The following FHIT variants were observed in gnomAD, a reference collection of about 807,000 sequenced individuals.
The protein encoded by FHIT is bis(5'-adenosyl)-triphosphatase.
Under a neutral mutation model 17.9 loss-of-function variants are expected in FHIT, and 19 were observed. That is an observed-to-expected ratio of 1.06 (90% confidence interval 0.74 to 1.56). The LOEUF (loss-of-function observed/expected upper bound fraction) is 1.56, where lower values mean the gene tolerates loss of function less well. FHIT is among the 40% of genes most tolerant of loss of function. The pLI is 0.00. For synonymous variants in FHIT, 81 were observed against 69.7 expected, an observed-to-expected ratio of 1.16 and a Z score of -0.81; for missense variants, 248 against 189.2, an observed-to-expected ratio of 1.31 and a Z score of -1.82.
chr3:60,950,640 C>T lies in FHIT; in HGVS notation c.-111+91407G>A, dbSNP rs1553776980. On this transcript the variant is annotated intron_variant, in intron 3 of 9. Coordinates refer to ENST00000492590, the MANE Select transcript of FHIT (RefSeq NM_002012.4). The stretch of plus-strand genomic sequence containing the variant: ...CAAGTGATTCTCCTGCCTCAGTCTC[C>T]CAAGTAGCTGGGATTACAGGCACGC... 2.0e-5 allele frequency among the ~76,000 whole-genome samples: 3 copies of T among 152,040 alleles called. No homozygotes were observed. The South Asian group carries it at 6.2e-4, about 32-fold the overall frequency.
At chr3:60,126,941 G>A (rs1705579363) in intron 5 of FHIT, among the ~76,000 whole-genome samples, 1 of 152,136 alleles carries the variant, frequency 6.6e-6, no homozygotes, top group African/African-American at 2.4e-5. Context: ...GTAACTAGTG[G>A]CCTTTGTTCT....
chr3:60,543,439 A>T (rs2036250803), intron 4 of FHIT, among the ~76,000 whole-genome samples: 1 of 152,318 alleles, frequency 6.6e-6, no homozygotes, highest in African/African-American at 2.4e-5. Context: ...GGAATGTGAC[A>T]TCTTCAAAAT....
intron 4 of FHIT, among the ~76,000 whole-genome samples, chr3:60,616,269 A>G (rs1314141098): frequency 2.0e-5 from 3 of 152,218 alleles, no homozygotes; most frequent in Non-Finnish European, 4.4e-5. Flanking sequence ...AATTTATTAT[A>G]CAAATCTTCA....
intron 5 of FHIT, among the ~76,000 whole-genome samples, chr3:60,447,679 G>A (rs1350638): frequency 0.16 from 24,802 of 151,938 alleles, 2,255 homozygotes; most frequent in Admixed American, 0.27. Context: ...AAAATCACAA[G>A]ACACCCACTA....
intron 1 of FHIT, among the ~76,000 whole-genome samples, chr3:61,227,608 C>T (rs145822039): frequency 1.8e-4 from 28 of 152,174 alleles, no homozygotes; most frequent in Middle Eastern, 3.4e-3. Flanking sequence ...CAACTACATG[C>T]CACAATGGGT....
chr3:60,475,569 C>T (rs756475485), intron 5 of FHIT, among the ~76,000 whole-genome samples: 48 of 152,126 alleles, frequency 3.2e-4, no homozygotes, highest in Non-Finnish European at 5.4e-4. Context: ...CCCAGGGACC[C>T]AGGTAGTTTG....
chr3:60,196,642 C>G (rs1390084688), intron 5 of FHIT, among the ~76,000 whole-genome samples: 4 of 152,038 alleles, frequency 2.6e-5, no homozygotes, highest in African/African-American at 4.8e-5. Flanking sequence ...CACACCCGCC[C>G]TAAGTGCAGA....
chr3:61,207,907 A>C (rs1013357830), intron 1 of FHIT, among the ~76,000 whole-genome samples: 3 of 152,074 alleles, frequency 2.0e-5, no homozygotes, highest in Non-Finnish European at 4.4e-5. Flanking sequence ...TTGTGATGTT[A>C]GGGTGGCACT....
intron 2 of FHIT, among the ~76,000 whole-genome samples, chr3:61,117,281 C>A (rs1375570821): frequency 6.6e-6 from 1 of 152,158 alleles, no homozygotes; most frequent in Non-Finnish European, 1.5e-5. Context: ...ACCTTGCTTG[C>A]CGGGCAGGTG....
intron 5 of FHIT, among the ~76,000 whole-genome samples, chr3:60,268,986 T>C (rs1706727748): frequency 1.3e-5 from 2 of 152,108 alleles, no homozygotes; most frequent in Non-Finnish European, 2.9e-5. Flanking sequence ...CATGAGAAGC[T>C]GGAAAAGTCA....
chr3:61,126,052 G>A (rs996011205), intron 2 of FHIT, among the ~76,000 whole-genome samples: 1 of 152,042 alleles, frequency 6.6e-6, no homozygotes, highest in African/African-American at 2.4e-5. Context: ...TGTGGAGCTG[G>A]GGCTGGGTTG....
intron 2 of FHIT, among the ~76,000 whole-genome samples, chr3:61,145,494 A>T (rs1280604051): frequency 6.6e-6 from 1 of 152,010 alleles, no homozygotes; most frequent in Non-Finnish European, 1.5e-5. Flanking sequence ...TGTTTTGGCT[A>T]TTCTGGATAT....
chr3:60,289,955 G>C (rs1707906571), intron 5 of FHIT, among the ~76,000 whole-genome samples: 1 of 152,158 alleles, frequency 6.6e-6, no homozygotes, highest in Non-Finnish European at 1.5e-5. Context: ...CCACTACAGT[G>C]GTTTATTTCT....
chr3:61,248,307 TG>T (rs1312558541), intron 1 of FHIT, among the ~76,000 whole-genome samples: 2 of 149,498 alleles, frequency 1.3e-5, no homozygotes, highest in African/African-American at 5.0e-5. Flanking sequence ...TGGGAGAGCG[TG>T]GGGGTGGGGG....
intron 2 of FHIT, among the ~76,000 whole-genome samples, chr3:61,174,032 C>A (rs2038086667): frequency 6.6e-6 from 1 of 152,118 alleles, no homozygotes. Flanking sequence ...ATGTAAGGAC[C>A]CCATGATACT....
intron 8 of FHIT, among the ~76,000 whole-genome samples, chr3:59,792,971 C>A (rs1398652550): frequency 6.6e-6 from 1 of 152,004 alleles, no homozygotes; most frequent in African/African-American, 2.4e-5. Context: ...CCACCTTACC[C>A]CACTGTACCT....
At chr3:60,994,021 A>C (rs2030469653) in intron 3 of FHIT, among the ~76,000 whole-genome samples, 1 of 152,248 alleles carries the variant, frequency 6.6e-6, no homozygotes, top group African/African-American at 2.4e-5. Context: ...TTACTACCAA[A>C]AGAAGAATAT....
chr3:61,209,222 C>G (rs976581840), intron 1 of FHIT, among the ~76,000 whole-genome samples: 4 of 152,118 alleles, frequency 2.6e-5, no homozygotes, highest in Non-Finnish European at 5.9e-5. Flanking sequence ...GTGGGTAACC[C>G]GACCTTTCTC....
At chr3:60,173,913 A>ATTTTTTTTT (rs1359545917) in intron 5 of FHIT, among the ~76,000 whole-genome samples, 10 of 68,514 alleles carry the variant, frequency 1.5e-4, no homozygotes, top group Admixed American at 3.9e-4. Context: ...ATATATATAT[A>ATTTTTTTTT]TATGTTTTTT....
Sources: gnomAD v4.1 joint callset for allele counts (sites outside exome capture counted in the v4.1 genomes callset) on GRCh38, gnomAD v4.1.1 for gene constraint, MANE v1.5 for transcripts, NCBI Gene and HGNC (gene_info 2026-07-23, HGNC 2026-07-21) for gene names.